C17orf58: variants seen among roughly 807,000 people sequenced by gnomAD.
The protein encoded by C17orf58 is UPF0450 protein C17orf58.
In C17orf58, 5 loss-of-function variants were observed where a neutral mutation model predicts 7.4. That is an observed-to-expected ratio of 0.67 (90% CI 0.35 to 1.42). The LOEUF is 1.42. C17orf58 is among the 40% of genes most tolerant of loss of function. The pLI is 0.04. For missense variants in C17orf58, 162 were observed against 174.2 expected (o/e 0.93, Z 0.40); for synonymous variants, 60 against 70.6 (o/e 0.85, Z 0.75).
chr17:67,994,493 CGTGTGTGTGT>C lies in C17orf58; in HGVS notation c.77-519_77-510del, dbSNP rs71142121. ...GTATATGTGTGTATGTGTGCGTGTG[CGTGTGTGTGT>C]GTGTGTGTGTGTGTATATATATATA... On this transcript the variant is annotated intron_variant, in intron 1 of 3. Coordinates refer to ENST00000580729, the MANE Select transcript of C17orf58 (RefSeq NM_001382359.1). Among the ~76,000 whole-genome samples the C allele has an allele frequency of 1.3e-4, 12 of 94,332 alleles. No individual in the cohort carries two copies. The East Asian group carries it at 2.8e-3, about 22-fold the overall frequency. 61.9% of individuals were successfully genotyped at this position (94,332 alleles called of 152,430 possible). A position where few individuals can be genotyped will look rare whatever the true frequency, so the allele number is the denominator to read the frequency against.
At chr17:67,994,129 A>T in intron 1 of C17orf58, 145 bp from the exon 2 acceptor site, 5 of 330,632 alleles carry the variant, frequency 1.5e-5, no homozygotes, top group East Asian at 9.1e-5. Context: ...AAGGGAAGCC[A>T]GGAGGGGAGG....
In C17orf58 at chr17:67,994,516, G is replaced by GTGTATATATATA. The variant is rs1244199425; in HGVS notation, c.77-533_77-532insTATATATATACA. Among the ~76,000 whole-genome samples, 12 of 89,544 alleles carry GTGTATATATATA rather than the reference G, an allele frequency of 1.3e-4. 1 individual carries two copies. The highest frequency in any genetic ancestry group is 4.5e-4 in the African/African-American group (12 of 26,682). 58.7% of individuals were successfully genotyped at this position (89,544 alleles called of 152,430 possible). On this transcript the variant is annotated intron_variant, in intron 1 of 3. Transcript: ENST00000580729. The stretch of plus-strand genomic sequence containing the variant: ...TGCGTGTGTGTGTGTGTGTGTGTGT[G>GTGTATATATATA]TATATATATATATATATATAAAACA...
At position 67,991,607 on chromosome 17, in the gene C17orf58, A is replaced by G. The variant is rs1302270592; in HGVS notation, c.*306T>C. ...TTCTACTAAAGAATATTAAATTAAA[A>G]TAATTTAAAAACTTATGAAGCAATG... On this transcript the variant is annotated 3_prime_UTR_variant, in exon 4 of 4. Transcript: ENST00000580729. 5.4e-6 allele frequency: 1 copy of G among 184,206 alleles called. No homozygotes were observed. The highest frequency in any genetic ancestry group is 2.3e-5 in the African/African-American group (1 of 42,786). The allele number at this position is 184,206 out of a possible 1,614,324, so 11.4% of individuals were successfully genotyped here.
chr17:67,995,210 A>G (rs2148738482), intron 1 of C17orf58, among the ~76,000 whole-genome samples: 1 of 152,328 alleles, frequency 6.6e-6, no homozygotes, highest in South Asian at 2.1e-4. Context: ...AGCTGGTTAG[A>G]GTTCATGTTT....
Position 67,992,059 on chromosome 17 carries a change from GC to G in C17orf58, c.873del (p.Gln292SerfsTer10). The G allele has an allele frequency of 6.2e-7, 1 of 1,609,198 alleles. No individual in the cohort carries two copies. ...IVMGHIYHKR[R>X]QLPTALLQVL... The stretch of plus-strand genomic sequence containing the variant: ...ACCTGGAGCAGAGCTGTAGGGAGCT[GC>G]CGTCTCTTATGGTAGATGTGGCCCA... On this transcript the variant is annotated frameshift_variant, in exon 4 of 4. Transcript: ENST00000580729. LOFTEE classifies it high-confidence loss of function.
In C17orf58 at chr17:67,994,758, A is replaced by G. The variant is rs1161999114; in HGVS notation, c.77-774T>C. ...ATTTTTATCTGGCTTCTTGGACACCACTTACTGGTAAACCACAGCTAAGGA... is the reference window on the plus strand; with the variant it reads ...ATTTTTATCTGGCTTCTTGGACACCGCTTACTGGTAAACCACAGCTAAGGA... On this transcript the variant is annotated intron_variant, in intron 1 of 3. Transcript: ENST00000580729. 7.2e-5 allele frequency among the ~76,000 whole-genome samples: 11 copies of G among 151,908 alleles called. No homozygotes were observed. In the East Asian group the frequency reaches 1.9e-3, roughly 27 times the overall value.
chr17:67,992,889 C>T, intron 3 of C17orf58, 155 bp downstream of exon 3: 1 of 1,611,864 alleles, frequency 6.2e-7, no homozygotes, highest in South Asian at 1.1e-5. Context: ...CACAGAGTGG[C>T]CGGAATAATA....
Position 67,992,858 on chromosome 17 carries a change from G to GGT in C17orf58, c.829+185_829+186insAC, listed in dbSNP as rs532559674. On this transcript the variant is annotated intron_variant, in intron 3 of 3. Transcript: ENST00000580729. ...CCTTGCTGTTCTCACCCTTGAGGGT[G>GGT]GGGGCTGACAGGGCTTAAATCACAG... 1.5e-4 allele frequency: 240 copies of GGT among 1,592,014 alleles called. 7 individuals are homozygous for GGT. The South Asian group carries it at 2.7e-3, about 18-fold the overall frequency.
rs1434290983 is a variant in C17orf58 at position 67,991,480 on chromosome 17, A to G, written c.*433T>C. On this transcript the variant is annotated 3_prime_UTR_variant, in exon 4 of 4. Transcript: ENST00000580729. Reference sequence around the variant, plus strand: ...TCTTTTGACTAGTGCGCTTACTGTTATGTACAGAATTTAAAATGTGATCGT... The same window carrying G: ...TCTTTTGACTAGTGCGCTTACTGTTGTGTACAGAATTTAAAATGTGATCGT... 6.6e-6 allele frequency: 1 copy of G among 152,606 alleles called. No homozygotes were observed. The highest frequency in any genetic ancestry group is 1.9e-4 in the East Asian group (1 of 5,210). 9.5% of individuals were successfully genotyped at this position (152,606 alleles called of 1,614,324 possible).
At chr17:67,992,131 CAT>C in intron 3 of C17orf58, 28 bp from the exon 4 acceptor site, 2 of 1,514,988 alleles carry the variant, frequency 1.3e-6, no homozygotes, top group Non-Finnish European at 1.8e-6. Context: ...AACATTAATT[CAT>C]AGTGTCTTTT....
At chr17:67,996,072 C>T (rs2070889340) in intron 1 of C17orf58, 51 bp downstream of exon 1, 1 of 399,046 alleles carries the variant, frequency 2.5e-6, no homozygotes, top group Non-Finnish European at 4.4e-6. Flanking sequence ...CCCAGCTCCC[C>T]CCCACAGATC....
Position 67,993,277 on chromosome 17 carries a change from T to G in C17orf58, c.638-42A>C. 1 of 1,239,704 alleles carries G rather than the reference T, an allele frequency of 8.1e-7. No homozygotes were observed. The highest frequency in any genetic ancestry group is 1.1e-6 in the Non-Finnish European group (1 of 886,894). 76.8% of individuals were successfully genotyped at this position (1,239,704 alleles called of 1,614,324 possible). A position where few individuals can be genotyped will look rare whatever the true frequency, so the allele number is the denominator to read the frequency against. On this transcript the variant is annotated intron_variant, in intron 2 of 3. Coordinates refer to ENST00000580729, the MANE Select transcript of C17orf58 (RefSeq NM_001382359.1). The surrounding 1 kb of genome is among the most constrained non-coding windows in gnomAD (Gnocchi z 5.1). ...GTTTGGAGAAGAGCATTACCCCGAGTTCCTCTCCCAGTCCCCCAGGAGGTG... is the reference window on the plus strand; with the variant it reads ...GTTTGGAGAAGAGCATTACCCCGAGGTCCTCTCCCAGTCCCCCAGGAGGTG...
intron 1 of C17orf58, 111 bp downstream of exon 1, chr17:67,996,012 C>A: frequency 2.5e-6 from 1 of 398,232 alleles, no homozygotes; most frequent in Non-Finnish European, 4.4e-6. Context: ...GGTGTCCTCT[C>A]TTGCGAGCTC....
intron 1 of C17orf58, among the ~76,000 whole-genome samples, chr17:67,994,536 A>ATATATATATATATAT (rs1555699626): frequency 3.6e-3 from 287 of 79,122 alleles, no homozygotes; most frequent in South Asian, 0.012. Context: ...ATATATATAT[A>ATATATATATATATAT]AAACATATAT....
Position 67,991,875 on chromosome 17 carries a change from C to A in C17orf58, c.*38G>T. The A allele has an allele frequency of 6.5e-7, 1 of 1,539,316 alleles. No homozygotes were observed. The highest frequency in any genetic ancestry group is 1.3e-5 in the South Asian group (1 of 78,894). ...CCTTTCATGTCTTGTTGCCGACGTC[C>A]AAGTCTCTTGCGGTCCAGAAATGCC... On this transcript the variant is annotated 3_prime_UTR_variant, in exon 4 of 4. Coordinates refer to ENST00000580729, the MANE Select transcript of C17orf58 (RefSeq NM_001382359.1).
chr17:67,992,594 A>G (rs1310012891), intron 3 of C17orf58, among the ~76,000 whole-genome samples: 4 of 137,162 alleles, frequency 2.9e-5, no homozygotes, highest in South Asian at 2.4e-4. Context: ...AAAAAAAAAA[A>G]GCAGTATGTA....
intron 1 of C17orf58, among the ~76,000 whole-genome samples, chr17:67,994,243 G>T (rs551494000): frequency 2.7e-4 from 41 of 151,912 alleles, no homozygotes; most frequent in African/African-American, 9.6e-4. Context: ...AGGAGAGATG[G>T]GAGGGAGGCC....
Position 67,993,866 on chromosome 17 carries a change from G to A in C17orf58, c.195C>T (p.Val65=), listed in dbSNP as rs1294439857. 5.6e-6 allele frequency: 2 copies of A among 359,010 alleles called. No homozygotes were observed. The highest frequency in any genetic ancestry group is 9.9e-6 in the Non-Finnish European group (2 of 202,072). 22.2% of individuals were successfully genotyped at this position (359,010 alleles called of 1,614,324 possible). ...CAGGCCAGGCGCGGGCGGCGGGAGC[G>A]ACCTCGGCCGCGCGCGGCCGCTGCG... is the stretch of plus-strand genomic sequence containing the variant. The part of the protein sequence containing the change: ...EAPQRPRAAE[V]APAARAWPDP... The change falls in exon 2 of 4, where the codon GTC becomes GTT. Residue 65 remains valine, a synonymous_variant. Coordinates refer to ENST00000580729, the MANE Select transcript of C17orf58 (RefSeq NM_001382359.1). This position sits in a 1 kb window ranked among gnomAD's most constrained non-coding sequence, Gnocchi z 5.1.
At chr17:67,992,493 G>T (rs534769729) in intron 3 of C17orf58, among the ~76,000 whole-genome samples, 1 of 139,300 alleles carries the variant, frequency 7.2e-6, no homozygotes, top group East Asian at 2.2e-4. Context: ...GCTTGAACCC[G>T]GCAGGTGGAG....
Sources: gnomAD v4.1 joint callset for allele counts (sites outside exome capture counted in the v4.1 genomes callset) on GRCh38, gnomAD v4.1.1 for gene constraint, Gnocchi (gnomAD v3.1) non-coding constraint, MANE v1.5 for transcripts, NCBI Gene and HGNC (gene_info 2026-07-23, HGNC 2026-07-21) for gene names.